The following CNTN5 variants were observed in gnomAD, a reference collection of about 807,000 sequenced individuals.
CNTN5 encodes the protein contactin 5, also known as contactin-5.
Under a neutral mutation model 129.1 loss-of-function variants are expected in CNTN5, and 77 were observed. The observed-to-expected ratio is 0.60, with a 90% CI of 0.50 to 0.72. CNTN5 has a LOEUF of 0.72. CNTN5 is among the 30% of genes least tolerant of loss of function. The probability of loss-of-function intolerance (pLI) is 0.00; values close to 1 mark genes in which losing one functional copy is unlikely to be tolerated. For synonymous variants in CNTN5, 509 were observed against 465.6 expected, an observed-to-expected ratio of 1.09 and a Z score of -1.20; for missense variants, 1,478 against 1,328.8, an observed-to-expected ratio of 1.11 and a Z score of -1.75.
intron 8 of CNTN5, among the ~76,000 whole-genome samples, chr11:99,988,173 C>T (rs1938814315): frequency 6.6e-6 from 1 of 152,228 alleles, no homozygotes; most frequent in African/African-American, 2.4e-5. Flanking sequence ...GCTGCCACAT[C>T]TTGTATCTCA....
At chr11:99,152,624 A>G (rs541172571) in intron 1 of CNTN5, among the ~76,000 whole-genome samples, 9 of 152,262 alleles carry the variant, frequency 5.9e-5, no homozygotes, top group African/African-American at 2.2e-4. Flanking sequence ...TTTTAATTGA[A>G]GCGCTTAGCC....
chr11:99,663,638 A>G (rs867355082), intron 3 of CNTN5, among the ~76,000 whole-genome samples: 1 of 152,132 alleles, frequency 6.6e-6, no homozygotes, highest in Non-Finnish European at 1.5e-5. Flanking sequence ...GGTTTCCCCC[A>G]TGCTGTTCTC....
intron 17 of CNTN5, among the ~76,000 whole-genome samples, chr11:100,268,429 C>T (rs1440198053): frequency 1.3e-5 from 2 of 151,982 alleles, no homozygotes; most frequent in African/African-American, 4.8e-5. Flanking sequence ...CCAAAGGCGG[C>T]AGAATGAAAG....
chr11:100,172,231 T>TTAGA (rs1429700601), intron 13 of CNTN5, among the ~76,000 whole-genome samples: 2 of 151,924 alleles, frequency 1.3e-5, no homozygotes, highest in Non-Finnish European at 2.9e-5. Context: ...CCAACTGTAG[T>TTAGA]TAGATAGCCA....
intron 3 of CNTN5, among the ~76,000 whole-genome samples, chr11:99,587,978 A>G (rs931714756): frequency 6.6e-6 from 1 of 152,220 alleles, no homozygotes; most frequent in African/African-American, 2.4e-5. Flanking sequence ...CAAGAACCTT[A>G]GGAAAATATG....
chr11:99,354,662 A>G (rs1048943038), intron 2 of CNTN5, among the ~76,000 whole-genome samples: 1 of 152,048 alleles, frequency 6.6e-6, no homozygotes, highest in Non-Finnish European at 1.5e-5. Context: ...GTGGCTGTTC[A>G]CCCTCTGCAC....
intron 2 of CNTN5, among the ~76,000 whole-genome samples, chr11:99,454,924 A>G (rs2726393): frequency 0.29 from 44,815 of 151,978 alleles, 6,877 homozygotes; most frequent in Middle Eastern, 0.38. Context: ...TAGTTGACAC[A>G]GAAGAGTAGT....
At chr11:100,126,562 T>C (rs1946190773) in intron 13 of CNTN5, among the ~76,000 whole-genome samples, 1 of 152,122 alleles carries the variant, frequency 6.6e-6, no homozygotes, top group Non-Finnish European at 1.5e-5. Context: ...AAAATCGTTA[T>C]TGGTTTCAAG....
At chr11:99,828,270 A>G (rs566230472) in intron 4 of CNTN5, among the ~76,000 whole-genome samples, 1 of 152,296 alleles carries the variant, frequency 6.6e-6, no homozygotes, top group Non-Finnish European at 1.5e-5. Flanking sequence ...AACTAATGAT[A>G]GCATTCTGTC....
At chr11:99,187,472 C>A (rs1858412347) in intron 1 of CNTN5, among the ~76,000 whole-genome samples, 1 of 151,604 alleles carries the variant, frequency 6.6e-6, no homozygotes, top group African/African-American at 2.4e-5. Flanking sequence ...AACATGTCTC[C>A]TTCCATGTAT....
chr11:99,864,109 T>C (rs553388753), intron 6 of CNTN5, among the ~76,000 whole-genome samples: 2 of 152,314 alleles, frequency 1.3e-5, no homozygotes, highest in East Asian at 3.9e-4. Context: ...ATATTGTTAA[T>C]GCATGATATA....
chr11:99,215,991 A>G (rs1474090599), intron 1 of CNTN5, among the ~76,000 whole-genome samples: 1 of 152,208 alleles, frequency 6.6e-6, no homozygotes, highest in African/African-American at 2.4e-5. Flanking sequence ...CCATCACCTC[A>G]AGCATTTATC....
chr11:99,374,781 C>T (rs1940058925), intron 2 of CNTN5, among the ~76,000 whole-genome samples: 1 of 152,098 alleles, frequency 6.6e-6, no homozygotes, highest in Admixed American at 6.6e-5. Context: ...CATTTGTGAC[C>T]TCCAGACTTA....
intron 7 of CNTN5, among the ~76,000 whole-genome samples, chr11:99,917,695 C>A (rs1039924763): frequency 1.3e-5 from 2 of 151,908 alleles, no homozygotes; most frequent in Non-Finnish European, 2.9e-5. Context: ...TATTTTTAAA[C>A]AAAGTGAAAT....
intron 1 of CNTN5, among the ~76,000 whole-genome samples, chr11:99,315,234 GA>G (rs200354485): frequency 2.9e-5 from 4 of 139,564 alleles, no homozygotes; most frequent in East Asian, 2.1e-4. Flanking sequence ...TAATGATTTA[GA>G]AAAAAAAAGT....
chr11:99,383,940 A>G (rs1273031250), intron 2 of CNTN5, among the ~76,000 whole-genome samples: 1 of 152,190 alleles, frequency 6.6e-6, no homozygotes, highest in Non-Finnish European at 1.5e-5. Context: ...TTTCACATAA[A>G]AGAAGAAATT....
chr11:100,222,045 G>A, intron 15 of CNTN5, among the ~76,000 whole-genome samples: 1 of 152,152 alleles, frequency 6.6e-6, no homozygotes, highest in Admixed American at 6.5e-5. Flanking sequence ...TCTCTTGAAA[G>A]ATCAGTAAAT....
At chr11:100,281,546 T>A (rs1950640309) in intron 18 of CNTN5, among the ~76,000 whole-genome samples, 1 of 151,958 alleles carries the variant, frequency 6.6e-6, no homozygotes, top group Non-Finnish European at 1.5e-5. Flanking sequence ...GAAGTTTGAT[T>A]ATTAACTGTC....
At chr11:100,115,699 A>G (rs1274071350) in intron 13 of CNTN5, among the ~76,000 whole-genome samples, 1 of 152,044 alleles carries the variant, frequency 6.6e-6, no homozygotes, top group Non-Finnish European at 1.5e-5. Flanking sequence ...TTTTTTAATT[A>G]TAATATAATT....
Sources: allele counts gnomAD v4.1 joint callset (sites outside exome capture counted in the v4.1 genomes callset), GRCh38; gene constraint gnomAD v4.1.1; transcripts MANE v1.5; gene names NCBI Gene and HGNC (gene_info 2026-07-23, HGNC 2026-07-21).